Variants in GPR146 observed in about 807,000 individuals in gnomAD.
GPR146 encodes G protein-coupled receptor 146, also known as G-protein coupled receptor 146.
For missense variants in GPR146, 381 were observed against 213.9 expected (o/e 1.78, Z -4.87); for synonymous variants, 203 against 104.3 (o/e 1.95, Z -5.77).
intron 1 of GPR146, chr7:1,056,826 A>T (rs1265303806): frequency 8.8e-6 from 1 of 114,160 alleles, no homozygotes; most frequent in Non-Finnish European, 1.6e-5. Context: ...TTCCCGAGAT[A>T]GCTGTAGGTC....
rs55698772 is a variant in GPR146, at chr7:1,057,638, C to A, written c.123C>A (p.Gly41=). ...LLGLVVGVPV[G]LCYNALLVLA... ...GCCTGGTGGTGGGCGTGCCAGTGGG[C>A]CTGTGCTACAACGCCCTGCTGGTGC... Residue 41 remains glycine, a synonymous_variant, in exon 2 of 2, where the codon GGC becomes GGA. Coordinates refer to ENST00000444847, the MANE Select transcript of GPR146 (RefSeq NM_001303473.2). 1.9e-5 allele frequency: 15 copies of A among 770,388 alleles called. No individual in the cohort carries two copies. In the South Asian group the frequency reaches 2.0e-4, roughly 10 times the overall value. The allele number at this position is 770,388 out of a possible 1,614,324, so 47.7% of individuals were successfully genotyped here.
In GPR146 at chr7:1,047,415, G is replaced by A. The variant is rs540216978; in HGVS notation, c.-25+2757G>A. ...ACAAAAATCAAAACCATCCACCTATGTAATGAACCATTTCTTATCACAGCC... is the reference window on the plus strand; with the variant it reads ...ACAAAAATCAAAACCATCCACCTATATAATGAACCATTTCTTATCACAGCC... On this transcript the variant is annotated intron_variant, in intron 1 of 1. Transcript: ENST00000444847. 5.3e-5 allele frequency among the ~76,000 whole-genome samples: 8 copies of A among 152,362 alleles called. No individual in the cohort carries two copies. The South Asian group carries it at 1.7e-3, about 32-fold the overall frequency.
intron 1 of GPR146, among the ~76,000 whole-genome samples, chr7:1,057,200 G>A (rs369138757): frequency 6.6e-6 from 1 of 152,148 alleles, no homozygotes; most frequent in South Asian, 2.1e-4. Context: ...CCCAGGCCTC[G>A]CAGCAGCCCG....
Position 1,052,489 on chromosome 7 carries a change from T to C in GPR146, c.-24-5003T>C, listed in dbSNP as rs1375998134. Among the ~76,000 whole-genome samples, 5 of 151,670 alleles carry C rather than the reference T, an allele frequency of 3.3e-5. No homozygotes were observed. In the East Asian group the frequency reaches 7.7e-4, roughly 23 times the overall value. Reference sequence around the variant, plus strand: ...GGGAGGTAGGCAGTGAAACCAGCAGTGTGACTTTGGAGGTGCTGGAGGAGC... The same window carrying C: ...GGGAGGTAGGCAGTGAAACCAGCAGCGTGACTTTGGAGGTGCTGGAGGAGC... On this transcript the variant is annotated intron_variant, in intron 1 of 1. Coordinates refer to ENST00000444847, the MANE Select transcript of GPR146 (RefSeq NM_001303473.2). The surrounding 1 kb of genome is among the most constrained non-coding windows in gnomAD (Gnocchi z 4.2).
intron 1 of GPR146, among the ~76,000 whole-genome samples, chr7:1,048,090 G>A (rs1782749447): frequency 6.6e-6 from 1 of 152,140 alleles, no homozygotes; most frequent in African/African-American, 2.4e-5. Context: ...GGGTTCCCGG[G>A]GGTACTGATG....
At chr7:1,046,198 C>T (rs1368091729) in intron 1 of GPR146, among the ~76,000 whole-genome samples, 1 of 152,168 alleles carries the variant, frequency 6.6e-6, no homozygotes, top group African/African-American at 2.4e-5. Context: ...GAAGGGGCTC[C>T]TCAGGGAGCT....
intron 1 of GPR146, 89 bp from the exon 2 acceptor site, chr7:1,057,403 C>T (rs1583603851): frequency 4.9e-6 from 3 of 609,560 alleles, no homozygotes. Flanking sequence ...ATTACTGCAC[C>T]AGGAGAAGGC....
Position 1,057,907 on chromosome 7 carries a change from G to A in GPR146, c.392G>A (p.Arg131His), listed in dbSNP as rs1290648466. 18 of 775,690 alleles carry A rather than the reference G, an allele frequency of 2.3e-5. No individual in the cohort carries two copies. Among genetic ancestry groups the A allele is most frequent in the South Asian group, 8.0e-5 (6 of 74,634 alleles). The allele number at this position is 775,690 out of a possible 1,614,324, so 48.1% of individuals were successfully genotyped here. Residue 131 changes from arginine to histidine, a missense_variant, in exon 2 of 2, where the codon CGT (arginine) becomes CAT (histidine). By Grantham distance (29) the Arg-to-His change is conservative. Transcript: ENST00000444847. ...ALLSLDHYIERALPRTYMASV... is the reference protein window; with the variant it reads ...ALLSLDHYIEHALPRTYMASV... ...CTGAGCCTCGACCACTACATCGAGC[G>A]TGCACTGCCGCGGACCTACATGGCC... is the stretch of plus-strand genomic sequence containing the variant.
rs1465135470 is a variant in GPR146, at chr7:1,058,835, G to A, written c.*318G>A. 2.8e-6 allele frequency: 1 copy of A among 362,864 alleles called. No individual in the cohort carries two copies. The highest frequency in any genetic ancestry group is 5.2e-6 in the Non-Finnish European group (1 of 190,826). The allele number at this position is 362,864 out of a possible 1,614,324, so 22.5% of individuals were successfully genotyped here. A position where few individuals can be genotyped will look rare whatever the true frequency, so the allele number is the denominator to read the frequency against. On this transcript the variant is annotated 3_prime_UTR_variant, in exon 2 of 2. Coordinates refer to ENST00000444847, the MANE Select transcript of GPR146 (RefSeq NM_001303473.2). ...GTCAATGAAGTGATGAAAGCTTAGAGCCAGTATTTATACTTTGTGGTTAAA... is the reference window on the plus strand; with the variant it reads ...GTCAATGAAGTGATGAAAGCTTAGAACCAGTATTTATACTTTGTGGTTAAA...
intron 1 of GPR146, among the ~76,000 whole-genome samples, chr7:1,044,909 T>C (rs982991978): frequency 1.1e-4 from 16 of 152,260 alleles, no homozygotes; most frequent in Non-Finnish European, 2.1e-4. Context: ...GGCAGCTGAA[T>C]CTGCTGCTGG....
chr7:1,049,439 C>G (rs996662892), intron 1 of GPR146, among the ~76,000 whole-genome samples: 44 of 152,326 alleles, frequency 2.9e-4, no homozygotes, highest in African/African-American at 1.0e-3. Flanking sequence ...AGGCACACAG[C>G]AAGGATGTCA....
At chr7:1,050,542 C>T (rs1045152913) in intron 1 of GPR146, among the ~76,000 whole-genome samples, 1 of 152,226 alleles carries the variant, frequency 6.6e-6, no homozygotes, top group Non-Finnish European at 1.5e-5. Context: ...CTCCCAGCTC[C>T]GAGCGGATGC....
intron 1 of GPR146, among the ~76,000 whole-genome samples, chr7:1,054,988 C>T (rs149624268): frequency 1.3e-5 from 2 of 152,332 alleles, no homozygotes; most frequent in Non-Finnish European, 1.5e-5. Context: ...CTCAAGCACA[C>T]TGAACACCAG....
At position 1,058,205 on chromosome 7, in the gene GPR146, G is replaced by A. The variant is rs61976951; in HGVS notation, c.690G>A (p.Ser230=). The A allele has an allele frequency of 0.011, 7,980 of 748,662 alleles. 63 individuals are homozygous for A. The highest frequency in any genetic ancestry group is 0.016 in the Non-Finnish European group (6,402 of 408,532). 46.4% of individuals were successfully genotyped at this position (748,662 alleles called of 1,614,324 possible). Residue 230 remains serine (S), a synonymous_variant, in exon 2 of 2, where the codon TCG becomes TCA. Transcript: ENST00000444847. ...LDRDTGRLEP[S]AHRLLVATVC... is the part of the protein sequence containing the mutation. ...GGGACACGGGCCGGCTGGAGCCCTCGGCACACAGGCTGCTGGTGGCCACCG... is the reference window on the plus strand; with the variant it reads ...GGGACACGGGCCGGCTGGAGCCCTCAGCACACAGGCTGCTGGTGGCCACCG...
intron 1 of GPR146, chr7:1,055,466 T>C: frequency 2.2e-6 from 1 of 460,628 alleles, no homozygotes; most frequent in South Asian, 1.6e-5. Context: ...ACCAAGAGGC[T>C]TGGGCCACAA....
At chr7:1,051,011 G>A (rs551884141) in intron 1 of GPR146, among the ~76,000 whole-genome samples, 28 of 152,378 alleles carry the variant, frequency 1.8e-4, no homozygotes, top group Non-Finnish European at 4.0e-4. Context: ...CAGGCCAGCA[G>A]AGGCCTGGGT....
intron 1 of GPR146, among the ~76,000 whole-genome samples, chr7:1,046,988 G>A (rs987907506): frequency 1.3e-5 from 2 of 152,252 alleles, no homozygotes; most frequent in African/African-American, 4.8e-5. Context: ...CAGGTGCCAA[G>A]CCTGCCCAGA....
At chr7:1,053,555 T>C (rs111816240) in intron 1 of GPR146, among the ~76,000 whole-genome samples, 1,725 of 152,298 alleles carry the variant, frequency 0.011, 22 homozygotes, top group African/African-American at 0.037. Flanking sequence ...TCGCTGGGCA[T>C]GGTGGCTCAC....
intron 1 of GPR146, among the ~76,000 whole-genome samples, chr7:1,048,154 G>A (rs1030974577): frequency 1.3e-5 from 2 of 152,190 alleles, no homozygotes; most frequent in Non-Finnish European, 2.9e-5. Flanking sequence ...ACGAGGGGAA[G>A]CGAGAAAGGG....
Sources: gnomAD v4.1 joint callset for allele counts (sites outside exome capture counted in the v4.1 genomes callset) on GRCh38, gnomAD v4.1.1 for gene constraint, Gnocchi (gnomAD v3.1) non-coding constraint, MANE v1.5 for transcripts, NCBI Gene and HGNC (gene_info 2026-07-23, HGNC 2026-07-21) for gene names.